The following SMARCA2 variants were observed in gnomAD, a reference collection of about 807,000 sequenced individuals.
SMARCA2 encodes the protein SWI/SNF-related matrix-associated actin-dependent regulator of chromatin subfamily A member 2.
A neutral mutation model predicts 199.8 loss-of-function variants in SMARCA2; 61 were observed. The observed-to-expected ratio is 0.31, with a 90% CI of 0.25 to 0.38. The LOEUF (loss-of-function observed/expected upper bound fraction) is 0.38, where lower values mean the gene tolerates loss of function less well. Among genes scored for constraint, SMARCA2 ranks in the 10% least tolerant of loss-of-function variants. The pLI is 1.00. For missense variants in SMARCA2, 1,344 were observed against 2,012.2 expected (o/e 0.67, Z 6.35); for synonymous variants, 935 against 732.0 (o/e 1.28, Z -4.48).
At chr9:2,054,784 G>A in intron 6 of SMARCA2, 61 bp downstream of exon 6, 3 of 1,543,452 alleles carry the variant, frequency 1.9e-6, no homozygotes, top group Non-Finnish European at 2.7e-6. Context: ...TTCCTAAAGT[G>A]TTATCTGTGT....
intron 27 of SMARCA2, among the ~76,000 whole-genome samples, chr9:2,153,927 C>T (rs1465420540): frequency 6.6e-6 from 1 of 152,156 alleles, no homozygotes; most frequent in African/African-American, 2.4e-5. Flanking sequence ...TTGAATTATT[C>T]ACCTAAGCCT....
chr9:2,157,657 A>G, intron 27 of SMARCA2: 1 of 378,156 alleles, frequency 2.6e-6, no homozygotes, highest in East Asian at 3.8e-5. Context: ...CACTGTAAGG[A>G]CTGTGCCACA....
intron 1 of SMARCA2, chr9:2,022,028 G>A (rs2130135687): frequency 6.6e-6 from 1 of 152,080 alleles, no homozygotes; most frequent in Non-Finnish European, 1.5e-5. Flanking sequence ...CAATGTACCT[G>A]TTTTGACCGG....
At chr9:2,076,360 A>G (rs749589994) in intron 13 of SMARCA2, 31 bp downstream of exon 13, 3 of 1,273,810 alleles carry the variant, frequency 2.4e-6, no homozygotes, top group Admixed American at 3.5e-5. Flanking sequence ...TTGGAAATGC[A>G]TTGCATGAGG....
At chr9:2,142,963 G>A (rs1289756819) in intron 27 of SMARCA2, among the ~76,000 whole-genome samples, 1 of 151,314 alleles carries the variant, frequency 6.6e-6, no homozygotes, top group African/African-American at 2.5e-5. Context: ...AAGCAATTTT[G>A]ATTAAAATGA....
intron 2 of SMARCA2, among the ~76,000 whole-genome samples, chr9:2,031,249 C>T (rs1819057966): frequency 6.6e-6 from 1 of 152,114 alleles, no homozygotes; most frequent in African/African-American, 2.4e-5. Context: ...GTTAGCTTGT[C>T]AGAGATCTAG....
intron 2 of SMARCA2, chr9:2,032,733 CAAACAAACAAAA>C: frequency 2.5e-6 from 1 of 393,324 alleles, no homozygotes; most frequent in East Asian, 4.4e-5. Flanking sequence ...AACAAACAAA[CAAACAAACAAAA>C]AAACAACCCT....
chr9:2,152,581 T>C (rs1825133428), intron 27 of SMARCA2, among the ~76,000 whole-genome samples: 2 of 142,702 alleles, frequency 1.4e-5, no homozygotes, highest in Admixed American at 7.1e-5. Context: ...GTCGGGTGCA[T>C]TGGCTCACAC....
At chr9:2,165,040 T>C (rs1825869451) in intron 28 of SMARCA2, among the ~76,000 whole-genome samples, 1 of 152,190 alleles carries the variant, frequency 6.6e-6, no homozygotes, top group South Asian at 2.1e-4. Flanking sequence ...TATTTTTGGT[T>C]GGTTTTAGAA....
At chr9:2,031,180 T>G (rs1819054079) in intron 2 of SMARCA2, among the ~76,000 whole-genome samples, 1 of 152,220 alleles carries the variant, frequency 6.6e-6, no homozygotes, top group Non-Finnish European at 1.5e-5. Context: ...AACAATGTAT[T>G]ATGGATATCC....
chr9:2,053,688 T>G (rs1271395019), intron 5 of SMARCA2, among the ~76,000 whole-genome samples: 2 of 152,220 alleles, frequency 1.3e-5, no homozygotes, highest in African/African-American at 4.8e-5. Context: ...TCAGTACAGT[T>G]TGCCTCAGAT....
Position 2,181,629 on chromosome 9 carries a change from G to A in SMARCA2, c.4312G>A (p.Glu1438Lys). The change falls in exon 30 of 34, where the codon GAA (glutamate) becomes AAA (lysine). Residue 1438 changes from glutamate to lysine, a missense_variant. Glu to Lys is a moderately conservative substitution (Grantham distance 56). Transcript: ENST00000349721. ...IQLPSRKELPEYYELIRKPVD... is the reference protein window; with the variant it reads ...IQLPSRKELPKYYELIRKPVD... ...GTTACCTTCAAGGAAAGAATTACCA[G>A]AATACTATGAATTAATTAGGAAGCC... 6.3e-7 allele frequency: 1 copy of A among 1,593,564 alleles called. No homozygotes were observed.
chr9:2,058,214 T>G (rs942042517), intron 7 of SMARCA2, 77 bp from the exon 8 acceptor site: 2 of 1,307,258 alleles, frequency 1.5e-6, no homozygotes, highest in Non-Finnish European at 2.2e-6. Context: ...AGAGTTTTCT[T>G]GGACAACACT....
intron 27 of SMARCA2, among the ~76,000 whole-genome samples, chr9:2,151,654 A>T (rs921253517): frequency 1.3e-5 from 2 of 152,080 alleles, no homozygotes; most frequent in African/African-American, 4.8e-5. Flanking sequence ...AATCTCTTGA[A>T]CCCAGGAGGT....
Position 2,054,833 on chromosome 9 carries a change from GATATAA to G in SMARCA2, c.1173+116_1173+121del, listed in dbSNP as rs1243157320. The G allele has an allele frequency of 1.3e-5, 15 of 1,114,376 alleles. No individual in the cohort carries two copies. The African/African-American group carries it at 2.4e-4, about 18-fold the overall frequency. 69.0% of individuals were successfully genotyped at this position (1,114,376 alleles called of 1,614,324 possible). A position where few individuals can be genotyped will look rare whatever the true frequency, so the allele number is the denominator to read the frequency against. ...TTCAATATTGTTACAAAGATATAAA[GATATAA>G]ATATAGTAAAATAGTGAATCTTTTA... On this transcript the variant is annotated intron_variant, in intron 6 of 33. Coordinates refer to ENST00000349721, the MANE Select transcript of SMARCA2 (RefSeq NM_003070.5).
At chr9:2,108,353 G>C (rs536892618) in intron 23 of SMARCA2, among the ~76,000 whole-genome samples, 4 of 152,328 alleles carry the variant, frequency 2.6e-5, no homozygotes, top group African/African-American at 9.6e-5. Flanking sequence ...GCAGCCTTCA[G>C]CTTCATGGAA....
At chr9:2,071,267 C>T (rs955905271) in intron 10 of SMARCA2, among the ~76,000 whole-genome samples, 1 of 152,126 alleles carries the variant, frequency 6.6e-6, no homozygotes, top group Non-Finnish European at 1.5e-5. Flanking sequence ...AAGATTGAAC[C>T]ACTATTCTAT....
intron 2 of SMARCA2, among the ~76,000 whole-genome samples, chr9:2,031,898 A>G (rs949217602): frequency 1.3e-5 from 2 of 152,158 alleles, no homozygotes; most frequent in African/African-American, 4.8e-5. Context: ...TTTCAACATT[A>G]CTGGAAATAA....
chr9:2,166,563 C>T (rs1317600213), intron 28 of SMARCA2, among the ~76,000 whole-genome samples: 1 of 152,196 alleles, frequency 6.6e-6, no homozygotes, highest in African/African-American at 2.4e-5. Flanking sequence ...TACTACTTTT[C>T]ATCCCATCAT....
Sources: gnomAD v4.1 joint callset for allele counts (sites outside exome capture counted in the v4.1 genomes callset) on GRCh38, gnomAD v4.1.1 for gene constraint, MANE v1.5 for transcripts, NCBI Gene and HGNC (gene_info 2026-07-23, HGNC 2026-07-21) for gene names.